The following HNRNPC variants were observed in gnomAD, a reference collection of about 807,000 sequenced individuals.
The protein encoded by HNRNPC is heterogeneous nuclear ribonucleoprotein C.
Under a neutral mutation model 33.2 loss-of-function variants are expected in HNRNPC, and 3 were observed. The observed-to-expected ratio is 0.09, with a 90% CI of 0.04 to 0.23. HNRNPC has a LOEUF of 0.23. Among genes scored for constraint, HNRNPC ranks in the 10% least tolerant of loss-of-function variants. The pLI is 1.00. For synonymous variants in HNRNPC, 121 were observed against 126.7 expected, an observed-to-expected ratio of 0.96 and a Z score of 0.30; for missense variants, 143 against 366.7, an observed-to-expected ratio of 0.39 and a Z score of 4.98.
intron 5 of HNRNPC, among the ~76,000 whole-genome samples, chr14:21,229,166 G>T (rs748409121): frequency 1.4e-4 from 21 of 151,428 alleles, no homozygotes; most frequent in African/African-American, 4.9e-4. Flanking sequence ...CAAGACGGAC[G>T]GATCATGAGG....
At chr14:21,266,992 G>A (rs1464869845) in intron 1 of HNRNPC, among the ~76,000 whole-genome samples, 2 of 150,944 alleles carry the variant, frequency 1.3e-5, no homozygotes, top group Non-Finnish European at 2.9e-5. Flanking sequence ...TCGGGAAGCC[G>A]AGGCAGGAGA....
rs72295427 is a variant in HNRNPC, at chr14:21,220,238, GT to G, written c.366-7122del. Among the ~76,000 whole-genome samples the G allele has an allele frequency of 7.0e-3, 977 of 139,766 alleles. 5 individuals are homozygous for G. The highest frequency in any genetic ancestry group is 0.02 in the African/African-American group (774 of 38,016). 91.7% of individuals were successfully genotyped at this position (139,766 alleles called of 152,430 possible). On this transcript the variant is annotated intron_variant, in intron 5 of 8. Coordinates refer to ENST00000553300, the MANE Select transcript of HNRNPC (RefSeq NM_004500.4). ...TTTTCTCTGAGGCCATCTATTTCTG[GT>G]TTTTTTTTTTTTTTGGAGACAGAGT...
chr14:21,257,498 G>A (rs899313905), intron 2 of HNRNPC, among the ~76,000 whole-genome samples: 8 of 151,720 alleles, frequency 5.3e-5, no homozygotes, highest in Non-Finnish European at 4.4e-5. Flanking sequence ...CGTCTCCGTG[G>A]TTCTTTTTTA....
intron 5 of HNRNPC, among the ~76,000 whole-genome samples, chr14:21,223,874 T>C (rs556352906): frequency 1.2e-4 from 19 of 152,112 alleles, no homozygotes; most frequent in Non-Finnish European, 2.5e-4. Context: ...AAAAGAAAGA[T>C]ATAATTAACA....
At chr14:21,264,890 G>A (rs1277835820) in intron 1 of HNRNPC, 1 of 152,112 alleles carries the variant, frequency 6.6e-6, no homozygotes, top group East Asian at 1.9e-4. Flanking sequence ...GGGTGTGGTA[G>A]CCTGAAATCC....
At chr14:21,229,381 A>AG (rs1230245948) in intron 5 of HNRNPC, among the ~76,000 whole-genome samples, 3 of 152,126 alleles carry the variant, frequency 2.0e-5, no homozygotes, top group Non-Finnish European at 4.4e-5. Flanking sequence ...AAAAAAAAAA[A>AG]AAAAAATCTG....
At chr14:21,232,260 CTCGAG>C (rs1455034544) in intron 3 of HNRNPC, among the ~76,000 whole-genome samples, 1 of 152,144 alleles carries the variant, frequency 6.6e-6, no homozygotes, top group Non-Finnish European at 1.5e-5. Flanking sequence ...TGCTACAGCA[CTCGAG>C]TCAACAGTAA....
chr14:21,247,831 A>T (rs528935852), intron 2 of HNRNPC, among the ~76,000 whole-genome samples: 1 of 151,724 alleles, frequency 6.6e-6, no homozygotes, highest in East Asian at 1.9e-4. Flanking sequence ...AAAAAAAAAA[A>T]AAAAAATTAG....
chr14:21,251,581 A>ATGAGGCAGGAGAACTGCT (rs1896680251), intron 2 of HNRNPC, among the ~76,000 whole-genome samples: 1 of 151,916 alleles, frequency 6.6e-6, no homozygotes, highest in African/African-American at 2.4e-5. Context: ...ACTTGGGAGG[A>ATGAGGCAGGAGAACTGCT]TGAGGCAGGA....
In HNRNPC at chr14:21,212,844, C is replaced by A; in HGVS notation, c.523+116G>T. On this transcript the variant is annotated intron_variant, in intron 6 of 8. Transcript: ENST00000553300. ...AGGCATGAGCCACCACACACCCAGC[C>A]TCTTCCATTATTTTGAATACACAAA... 3 of 1,326,782 alleles carry A rather than the reference C, an allele frequency of 2.3e-6. No individual in the cohort carries two copies. In the South Asian group the frequency reaches 3.8e-5, roughly 17 times the overall value. 82.2% of individuals were successfully genotyped at this position (1,326,782 alleles called of 1,614,324 possible). A position where few individuals can be genotyped will look rare whatever the true frequency, so the allele number is the denominator to read the frequency against.
At chr14:21,255,372 C>T (rs1201477805) in intron 2 of HNRNPC, among the ~76,000 whole-genome samples, 2 of 152,194 alleles carry the variant, frequency 1.3e-5, no homozygotes, top group Admixed American at 6.5e-5. Context: ...AAAAAGTTCT[C>T]TAATTCACTC....
At chr14:21,253,068 G>C (rs1357809807) in intron 2 of HNRNPC, among the ~76,000 whole-genome samples, 1 of 151,352 alleles carries the variant, frequency 6.6e-6, no homozygotes, top group African/African-American at 2.4e-5. Flanking sequence ...CAGCTACTCA[G>C]GAGACTGAGG....
intron 2 of HNRNPC, among the ~76,000 whole-genome samples, chr14:21,244,689 G>A (rs975763090): frequency 6.6e-6 from 1 of 152,178 alleles, no homozygotes; most frequent in Non-Finnish European, 1.5e-5. Context: ...TTTTGTCACT[G>A]TGTTAATGTC....
chr14:21,222,943 G>A (rs1892996884), intron 5 of HNRNPC, among the ~76,000 whole-genome samples: 2 of 152,032 alleles, frequency 1.3e-5, no homozygotes, highest in East Asian at 1.9e-4. Flanking sequence ...GCTCACGCCT[G>A]TAATCCTAGC....
intron 2 of HNRNPC, among the ~76,000 whole-genome samples, chr14:21,245,429 G>A (rs1005380192): frequency 1.3e-5 from 2 of 151,630 alleles, no homozygotes; most frequent in Non-Finnish European, 2.9e-5. Context: ...CCCGGGGGGT[G>A]GAGGTTGCAG....
At chr14:21,216,662 T>A (rs1237037184) in intron 5 of HNRNPC, among the ~76,000 whole-genome samples, 1 of 151,844 alleles carries the variant, frequency 6.6e-6, no homozygotes, top group African/African-American at 2.4e-5. Flanking sequence ...TGAGTCAAGA[T>A]CCCACCACTG....
Position 21,234,012 on chromosome 14 carries a change from C to T in HNRNPC, c.182G>A (p.Arg61Lys). The T allele has an allele frequency of 6.2e-7, 1 of 1,613,950 alleles. No individual in the cohort carries two copies. The highest frequency in any genetic ancestry group is 8.5e-7 in the Non-Finnish European group (1 of 1,179,866). ...TCCTGCTACAGCAGCCCGGGCATTT[C>T]TCTCATTAACATACTGAACGAAGGC... ...GFAFVQYVNE[R>K]NARAAVAGED... The change falls in exon 3 of 9, where the codon AGA (arginine) becomes AAA (lysine). Residue 61 changes from arginine (R) to lysine (K), a missense_variant. Transcript: ENST00000553300.
intron 2 of HNRNPC, among the ~76,000 whole-genome samples, chr14:21,235,463 T>C (rs535519110): frequency 1.0e-3 from 155 of 152,320 alleles, no homozygotes; most frequent in African/African-American, 3.4e-3. Context: ...CTTAATACAG[T>C]CATTTAACAG....
chr14:21,243,278 C>A (rs1329240414), intron 2 of HNRNPC, among the ~76,000 whole-genome samples: 2 of 151,932 alleles, frequency 1.3e-5, no homozygotes, highest in African/African-American at 4.8e-5. Flanking sequence ...GAGATGCAGC[C>A]ACATGGAAGC....
Sources: gnomAD v4.1 joint callset for allele counts (sites outside exome capture counted in the v4.1 genomes callset) on GRCh38, gnomAD v4.1.1 for gene constraint, MANE v1.5 for transcripts, NCBI Gene and HGNC (gene_info 2026-07-23, HGNC 2026-07-21) for gene names.